The following ANXA13 variants were observed in gnomAD, a reference collection of about 807,000 sequenced individuals.
ANXA13 encodes the protein annexin A13.
ANXA13 carries 36 observed loss-of-function variants against 46.6 expected under a neutral mutation model. That is an observed-to-expected ratio of 0.77 (90% CI 0.59 to 1.02). The LOEUF (loss-of-function observed/expected upper bound fraction) is 1.02. Among genes scored for constraint, ANXA13 ranks in the 50% least tolerant of loss-of-function variants. The pLI is 0.00. For synonymous variants in ANXA13, 163 were observed against 152.9 expected, an observed-to-expected ratio of 1.07 and a Z score of -0.49; for missense variants, 417 against 396.5, an observed-to-expected ratio of 1.05 and a Z score of -0.44.
intron 1 of ANXA13, among the ~76,000 whole-genome samples, chr8:123,730,604 A>C (rs945135794): frequency 6.6e-6 from 1 of 152,148 alleles, no homozygotes; most frequent in East Asian, 1.9e-4. Context: ...GTCTTTGTAG[A>C]TGTAATTAGT....
intron 9 of ANXA13, among the ~76,000 whole-genome samples, chr8:123,685,122 G>A (rs188397503): frequency 1.5e-4 from 23 of 152,280 alleles, no homozygotes; most frequent in Admixed American, 1.5e-3. Flanking sequence ...TCTTGACAAT[G>A]TATCCAGTTG....
chr8:123,711,377 T>C (rs1011778382), intron 2 of ANXA13, among the ~76,000 whole-genome samples: 1 of 152,174 alleles, frequency 6.6e-6, no homozygotes, highest in African/African-American at 2.4e-5. Flanking sequence ...TCTTCCAGGC[T>C]TCTGGGACTA....
intron 1 of ANXA13, among the ~76,000 whole-genome samples, chr8:123,718,907 G>A (rs1180299143): frequency 6.6e-6 from 1 of 152,306 alleles, no homozygotes; most frequent in African/African-American, 2.4e-5. Context: ...TCAAGATTCT[G>A]ATACCCTCAG....
intron 2 of ANXA13, among the ~76,000 whole-genome samples, chr8:123,705,303 G>C (rs17342215): frequency 0.14 from 21,194 of 152,084 alleles, 1,639 homozygotes; most frequent in Admixed American, 0.18. Context: ...TGGGAAGCTC[G>C]CATGTGTTCA....
chr8:123,735,965 T>C, intron 1 of ANXA13: 1 of 1,441,184 alleles, frequency 6.9e-7, no homozygotes, highest in African/African-American at 1.4e-5. Context: ...GACAAAATTA[T>C]CCTCCTAAGC....
intron 1 of ANXA13, among the ~76,000 whole-genome samples, chr8:123,714,790 C>T (rs569321778): frequency 1.3e-5 from 2 of 152,330 alleles, no homozygotes; most frequent in African/African-American, 4.8e-5. Context: ...CATTGTTGTA[C>T]ACCTGCTGTG....
At chr8:123,687,739 A>G (rs1238292336) in intron 9 of ANXA13, among the ~76,000 whole-genome samples, 1 of 152,192 alleles carries the variant, frequency 6.6e-6, no homozygotes, top group East Asian at 1.9e-4. Flanking sequence ...AGGTCTCTCC[A>G]TTCCTTCTGC....
At chr8:123,684,007 A>T (rs1249746782) in intron 10 of ANXA13, among the ~76,000 whole-genome samples, 1 of 152,100 alleles carries the variant, frequency 6.6e-6, no homozygotes, top group Non-Finnish European at 1.5e-5. Flanking sequence ...AAAGCCCTTA[A>T]TTTTTTTATG....
chr8:123,681,497 T>A (rs1361794556), intron 10 of ANXA13, 138 bp from the exon 11 acceptor site: 1 of 805,264 alleles, frequency 1.2e-6, no homozygotes, highest in African/African-American at 1.7e-5. Context: ...TTATTTCCTA[T>A]CATTATTTCC....
rs1035412502 is a variant in ANXA13 at position 123,690,799 on chromosome 8, G to T, written c.643-1853C>A. On this transcript the variant is annotated intron_variant, in intron 8 of 10. Coordinates refer to ENST00000419625, the MANE Select transcript of ANXA13 (RefSeq NM_004306.4). The surrounding 1 kb of genome is among the most constrained non-coding windows in gnomAD (Gnocchi z 4.6). ...TGAAAATCGGTTTCCCCAAATGGACGGCACGCTGACAGCAGAGCCCTCTGT... is the reference window on the plus strand; with the variant it reads ...TGAAAATCGGTTTCCCCAAATGGACTGCACGCTGACAGCAGAGCCCTCTGT... 6.6e-6 allele frequency among the ~76,000 whole-genome samples: 1 copy of T among 152,168 alleles called. No homozygotes were observed. The highest frequency in any genetic ancestry group is 2.4e-5 in the African/African-American group (1 of 41,430).
Position 123,737,367 on chromosome 8 carries a change from C to A in ANXA13, c.-33G>T, listed in dbSNP as rs1384937716. 1 of 1,599,582 alleles carries A rather than the reference C, an allele frequency of 6.3e-7. No individual in the cohort carries two copies. The highest frequency in any genetic ancestry group is 1.7e-5 in the Admixed American group (1 of 59,702). ...TTTCTGAGATGGTTTTTCTGTATTT[C>A]ATCAAGAGATCAGTCCTCCTACAGG... On this transcript the variant is annotated 5_prime_UTR_variant, in exon 1 of 11. The change abolishes an upstream ATG in the 5' untranslated region. Transcript: ENST00000419625.
At chr8:123,681,468 C>T (rs1387578405) in intron 10 of ANXA13, 109 bp from the exon 11 acceptor site, 1 of 1,115,944 alleles carries the variant, frequency 9.0e-7, no homozygotes, top group African/African-American at 1.6e-5. Flanking sequence ...TGCCTTAAAA[C>T]AGCCCTTGAG....
chr8:123,735,672 T>C, intron 1 of ANXA13: 1 of 1,443,916 alleles, frequency 6.9e-7, no homozygotes, highest in East Asian at 2.5e-5. Flanking sequence ...GGGTCCAACA[T>C]GACAGATCAC....
At chr8:123,688,453 TA>T (rs1390154989) in intron 9 of ANXA13, among the ~76,000 whole-genome samples, 2 of 152,278 alleles carry the variant, frequency 1.3e-5, no homozygotes, top group Admixed American at 6.5e-5. Flanking sequence ...GAAAACGGAC[TA>T]ATACAGCAGG....
intron 1 of ANXA13, among the ~76,000 whole-genome samples, chr8:123,735,035 A>AGTC (rs1301971337): frequency 2.0e-5 from 3 of 151,708 alleles, no homozygotes; most frequent in Non-Finnish European, 4.4e-5. Flanking sequence ...AGAACTCAGA[A>AGTC]GTCACATACC....
Position 123,712,746 on chromosome 8 carries a change from G to A in ANXA13, c.23C>T (p.Ala8Val), listed in dbSNP as rs773503182. Residue 8 changes from alanine to valine, a missense_variant, in exon 2 of 11, where the codon GCG (alanine) becomes GTG (valine). Physicochemically the swap from Ala to Val is moderately conservative, Grantham distance 64. Transcript: ENST00000419625. The stretch of plus-strand genomic sequence containing the variant: ...CACATCAAAACCCTGAGGACTGCTC[G>A]CTTTAGCCTGGAGAAAATAATTGAA... MGNRHAK[A>V]SSPQGFDVDR... 3.1e-6 allele frequency: 5 copies of A among 1,613,904 alleles called. No individual in the cohort carries two copies. The highest frequency in any genetic ancestry group is 1.7e-5 in the Admixed American group (1 of 60,002).
At chr8:123,691,880 C>CAT (rs1208287463) in intron 8 of ANXA13, among the ~76,000 whole-genome samples, 2 of 152,128 alleles carry the variant, frequency 1.3e-5, no homozygotes, top group Admixed American at 1.3e-4. Context: ...GTAGTCAGTT[C>CAT]ATACACACAC....
intron 1 of ANXA13, among the ~76,000 whole-genome samples, chr8:123,722,927 A>G (rs528662348): frequency 6.6e-6 from 1 of 152,178 alleles, no homozygotes; most frequent in East Asian, 1.9e-4. Flanking sequence ...CTTCAAGTAG[A>G]GGAGGGATCA....
At chr8:123,724,790 C>T (rs764399426) in intron 1 of ANXA13, among the ~76,000 whole-genome samples, 11 of 152,204 alleles carry the variant, frequency 7.2e-5, no homozygotes, top group African/African-American at 1.7e-4. Flanking sequence ...CTTTCACACT[C>T]GTCTAATCCA....
Sources: gnomAD v4.1 joint callset for allele counts (sites outside exome capture counted in the v4.1 genomes callset) on GRCh38, gnomAD v4.1.1 for gene constraint, Gnocchi (gnomAD v3.1) non-coding constraint, MANE v1.5 for transcripts, NCBI Gene and HGNC (gene_info 2026-07-23, HGNC 2026-07-21) for gene names.